The following ARPP21 variants were observed in gnomAD, a reference collection of about 807,000 sequenced individuals.
ARPP21 encodes the protein cAMP regulated phosphoprotein 21, also known as cAMP-regulated phosphoprotein 21.
Under a neutral mutation model 113.2 loss-of-function variants are expected in ARPP21, and 69 were observed. The ratio of observed to expected loss-of-function variants is 0.61; its 90% confidence interval spans 0.50 to 0.74. The LOEUF is 0.74. ARPP21 is among the 30% of genes least tolerant of loss of function. The pLI, the probability that ARPP21 is intolerant of heterozygous loss-of-function variation, is 0.00. For missense variants in ARPP21, 1,070 were observed against 1,037.4 expected, an observed-to-expected ratio of 1.03 and a Z score of -0.43; for synonymous variants, 368 against 375.5, an observed-to-expected ratio of 0.98 and a Z score of 0.23.
intron 5 of ARPP21, 136 bp downstream of exon 5, chr3:35,683,951 C>A: frequency 8.4e-7 from 1 of 1,195,602 alleles, no homozygotes; most frequent in Non-Finnish European, 1.2e-6. Flanking sequence ...TTGGCTTTAT[C>A]CCCTGCTTAT....
intron 6 of ARPP21, among the ~76,000 whole-genome samples, chr3:35,688,387 C>G (rs1353972754): frequency 2.0e-5 from 3 of 151,490 alleles, no homozygotes; most frequent in African/African-American, 7.3e-5. Flanking sequence ...TCTCTGAACC[C>G]ATCTACTATC....
At chr3:35,688,647 C>T (rs1422427601) in intron 6 of ARPP21, among the ~76,000 whole-genome samples, 1 of 151,576 alleles carries the variant, frequency 6.6e-6, no homozygotes, top group Non-Finnish European at 1.5e-5. Flanking sequence ...TGAGAAATGA[C>T]AACCGCCTCT....
At chr3:35,778,810 C>T (rs1260816486) in intron 19 of ARPP21, among the ~76,000 whole-genome samples, 1 of 152,052 alleles carries the variant, frequency 6.6e-6, no homozygotes, top group Non-Finnish European at 1.5e-5. Context: ...ATAATGATAC[C>T]CACTTCACAA....
chr3:35,793,910 A>G lies in ARPP21; in HGVS notation c.2496A>G (p.Arg832=). ...STVPVMSASC[R]TNCASMSNAG... ...TCCCAGTGATGTCAGCTAGCTGCAG[A>G]ACAAACTGTGCAAGTATGAGCAATG... is the stretch of plus-strand genomic sequence containing the variant. The change falls in exon 21 of 21, where the codon AGA becomes AGG. Residue 832 remains arginine, a synonymous_variant. Coordinates refer to ENST00000684406, the MANE Select transcript of ARPP21 (RefSeq NM_001385562.1). 2 of 1,614,168 alleles carry G rather than the reference A, an allele frequency of 1.2e-6. No homozygotes were observed. Among genetic ancestry groups the G allele is most frequent in the Non-Finnish European group, 1.7e-6 (2 of 1,179,992 alleles).
intron 10 of ARPP21, chr3:35,707,389 AG>A: frequency 1.8e-6 from 1 of 547,042 alleles, no homozygotes. Context: ...TGTGGAGAAA[AG>A]CTTTGTCAGT....
At chr3:35,754,901 A>G (rs1292683653) in intron 19 of ARPP21, among the ~76,000 whole-genome samples, 3 of 152,032 alleles carry the variant, frequency 2.0e-5, no homozygotes, top group African/African-American at 2.4e-5. Context: ...TTTCTTTACT[A>G]TACAAAAGAA....
Position 35,794,400 on chromosome 3 carries a change from T to C in ARPP21, c.*442T>C, listed in dbSNP as rs940141152. ...AATTTATATACATTATAGAGTTTTCTTTTTTAATGGATATATACTGTATTG... is the reference window on the plus strand; with the variant it reads ...AATTTATATACATTATAGAGTTTTCCTTTTTAATGGATATATACTGTATTG... On this transcript the variant is annotated 3_prime_UTR_variant, in exon 21 of 21. Transcript: ENST00000684406. The C allele has an allele frequency of 5.6e-6, 1 of 178,316 alleles. No homozygotes were observed. Among genetic ancestry groups the C allele is most frequent in the Non-Finnish European group, 1.2e-5 (1 of 82,538 alleles). 11.0% of individuals were successfully genotyped at this position (178,316 alleles called of 1,614,324 possible). A position where few individuals can be genotyped will look rare whatever the true frequency, so the allele number is the denominator to read the frequency against.
chr3:35,675,440 C>G (rs2077239440), intron 1 of ARPP21, among the ~76,000 whole-genome samples: 1 of 151,844 alleles, frequency 6.6e-6, no homozygotes, highest in African/African-American at 2.4e-5. Context: ...AAAAACCCTC[C>G]TTATCTGTAG....
chr3:35,765,827 T>G (rs1014958584), intron 19 of ARPP21, among the ~76,000 whole-genome samples: 1 of 152,186 alleles, frequency 6.6e-6, no homozygotes, highest in Non-Finnish European at 1.5e-5. Context: ...GAGTTAAAAT[T>G]TCTGCCATTT....
At position 35,687,879 on chromosome 3, in the gene ARPP21, A is replaced by G; in HGVS notation, c.402A>G (p.Ser134=). The change falls in exon 6 of 21, where the codon TCA becomes TCG. Residue 134 remains serine (S), a synonymous_variant. Transcript: ENST00000684406. ...TSEKPKIRML[S]KDCSQEYTDS... ...AAAAACCCAAGATCAGAATGTTATC[A>G]AAAGGTGAATGTGAAAATATTTCCT... The G allele has an allele frequency of 6.3e-7, 1 of 1,582,092 alleles. No individual in the cohort carries two copies. The highest frequency in any genetic ancestry group is 8.5e-7 in the Non-Finnish European group (1 of 1,169,706).
At chr3:35,667,345 T>A (rs1053742934) in intron 1 of ARPP21, among the ~76,000 whole-genome samples, 1 of 152,180 alleles carries the variant, frequency 6.6e-6, no homozygotes, top group Non-Finnish European at 1.5e-5. Flanking sequence ...GTAAACTAAT[T>A]TAAGAATGAA....
intron 1 of ARPP21, chr3:35,679,505 G>A (rs1191537193): frequency 1.3e-5 from 2 of 150,752 alleles, no homozygotes; most frequent in Non-Finnish European, 3.0e-5. Context: ...CAAAGTGCGA[G>A]ATTTCACTAA....
At chr3:35,739,630 G>A in intron 18 of ARPP21, 53 bp downstream of exon 18, 1 of 1,541,734 alleles carries the variant, frequency 6.5e-7, no homozygotes, top group Non-Finnish European at 8.7e-7. Context: ...GATGCATTTT[G>A]ACCTTTATCT....
At chr3:35,790,513 A>G (rs940191042) in intron 19 of ARPP21, among the ~76,000 whole-genome samples, 2 of 152,240 alleles carry the variant, frequency 1.3e-5, no homozygotes, top group African/African-American at 4.8e-5. Context: ...ATTTTCTGCA[A>G]TTAATGTGAA....
chr3:35,641,001 G>T (rs947612953), intron 1 of ARPP21: 1 of 152,124 alleles, frequency 6.6e-6, no homozygotes, highest in Admixed American at 6.5e-5. Flanking sequence ...GGTGGATGTG[G>T]TTGCTGTCAG....
intron 15 of ARPP21, among the ~76,000 whole-genome samples, chr3:35,735,419 C>T (rs2094287250): frequency 6.6e-6 from 1 of 152,014 alleles, no homozygotes; most frequent in African/African-American, 2.4e-5. Context: ...GTCCCTTGCT[C>T]CCTTTTGTTG....
At chr3:35,733,807 A>C (rs1286782242) in intron 15 of ARPP21, among the ~76,000 whole-genome samples, 1 of 152,198 alleles carries the variant, frequency 6.6e-6, no homozygotes, top group East Asian at 1.9e-4. Flanking sequence ...TCTTTCCAGA[A>C]GAACCTGCCA....
At chr3:35,682,768 C>T (rs896921095) in intron 3 of ARPP21, 80 bp from the exon 4 acceptor site, 3 of 1,285,704 alleles carry the variant, frequency 2.3e-6, no homozygotes, top group African/African-American at 3.0e-5. Context: ...CTTTCTTTCT[C>T]TCTCTCTCTC....
chr3:35,750,018 A>AT (rs1393474281), intron 19 of ARPP21, among the ~76,000 whole-genome samples: 1 of 148,022 alleles, frequency 6.8e-6, no homozygotes, highest in Non-Finnish European at 1.5e-5. Flanking sequence ...TGTTTCATTG[A>AT]TTTTTCTATA....
Sources: allele counts gnomAD v4.1 joint callset (sites outside exome capture counted in the v4.1 genomes callset), GRCh38; gene constraint gnomAD v4.1.1; transcripts MANE v1.5; gene names NCBI Gene and HGNC (gene_info 2026-07-23, HGNC 2026-07-21).